DTNA: variants seen among roughly 807,000 people sequenced by gnomAD.
DTNA encodes the protein dystrophin-related protein 3.
In DTNA, 43 loss-of-function variants were observed where a neutral mutation model predicts 100.7. That is an observed-to-expected ratio of 0.43 (90% CI 0.33 to 0.55). The LOEUF (loss-of-function observed/expected upper bound fraction) is 0.55, where lower values mean the gene tolerates loss of function less well. Ranked by LOEUF, DTNA falls within the 20% of genes least tolerant of loss-of-function variation. The pLI is 0.04. For missense variants in DTNA, 798 were observed against 953.9 expected (o/e 0.84, Z 2.15); for synonymous variants, 349 against 347.9 (o/e 1.00, Z -0.04).
chr18:34,592,804 C>CA (rs2049890987), intron 1 of DTNA, among the ~76,000 whole-genome samples: 1 of 152,126 alleles, frequency 6.6e-6, no homozygotes, highest in African/African-American at 2.4e-5. Context: ...CAGCCATTGC[C>CA]ATCCTCTGTA....
intron 1 of DTNA, among the ~76,000 whole-genome samples, chr18:34,563,693 A>G (rs990712996): frequency 1.1e-4 from 17 of 152,192 alleles, no homozygotes; most frequent in Non-Finnish European, 2.1e-4. Flanking sequence ...ATAACTGACA[A>G]ATTAAAATTG....
At chr18:34,554,693 A>T (rs1393713648) in intron 1 of DTNA, among the ~76,000 whole-genome samples, 98 of 144,270 alleles carry the variant, frequency 6.8e-4, no homozygotes, top group African/African-American at 2.4e-3. Context: ...ATTTGCGTAT[A>T]TTGAACCAGC....
chr18:34,822,227 G>C (rs989761917), intron 9 of DTNA: 4 of 152,080 alleles, frequency 2.6e-5, no homozygotes. Flanking sequence ...TGTCCCAAAG[G>C]GCCAACCACT....
intron 1 of DTNA, among the ~76,000 whole-genome samples, chr18:34,592,709 G>A (rs2049879388): frequency 6.6e-6 from 1 of 151,996 alleles, no homozygotes; most frequent in African/African-American, 2.4e-5. Context: ...GCGGCATGAT[G>A]ATTTCCTCTT....
chr18:34,553,440 A>G (rs1018557519), intron 1 of DTNA, among the ~76,000 whole-genome samples: 2 of 151,148 alleles, frequency 1.3e-5, no homozygotes, highest in African/African-American at 2.4e-5. Context: ...TGTTTTGGAC[A>G]TGAAGTCCTT....
intron 9 of DTNA, chr18:34,825,237 C>CT: frequency 1.2e-6 from 2 of 1,613,140 alleles, no homozygotes; most frequent in Non-Finnish European, 1.7e-6. Context: ...TTAACGGTCT[C>CT]TATTCTGTTC....
chr18:34,556,286 C>T (rs1245611112), intron 1 of DTNA, among the ~76,000 whole-genome samples: 2 of 152,104 alleles, frequency 1.3e-5, no homozygotes. Context: ...GATGGGTTTC[C>T]TGAATACAGC....
chr18:34,620,296 T>C (rs1166118381), intron 1 of DTNA, among the ~76,000 whole-genome samples: 2 of 152,188 alleles, frequency 1.3e-5, no homozygotes, highest in African/African-American at 4.8e-5. Flanking sequence ...GGAACCCAAA[T>C]TGAAGAACGT....
At position 34,623,302 on chromosome 18, in the gene DTNA, A is replaced by G. The variant is rs558881988; in HGVS notation, c.-2+129788A>G. Among the ~76,000 whole-genome samples, 3 of 152,368 alleles carry G rather than the reference A, an allele frequency of 2.0e-5. No individual in the cohort carries two copies. The East Asian group carries it at 5.8e-4, about 29-fold the overall frequency. On this transcript the variant is annotated intron_variant, in intron 1 of 19. Coordinates refer to the DTNA transcript ENST00000283365. ...ACTTTAGAAGACTTTTATTTTGGTT[A>G]CTGAGAGGCTGTAATAAACCTCAGA...
chr18:34,553,676 G>T (rs1359209968), intron 1 of DTNA, among the ~76,000 whole-genome samples: 2 of 151,054 alleles, frequency 1.3e-5, no homozygotes, highest in African/African-American at 4.8e-5. Context: ...GTTTGTCAAA[G>T]ATCAGATAGT....
intron 1 of DTNA, among the ~76,000 whole-genome samples, chr18:34,592,467 AACACACACAC>A (rs3078085): frequency 3.7e-4 from 52 of 139,526 alleles, no homozygotes; most frequent in Non-Finnish European, 6.3e-4. Context: ...ACACTTGTAT[AACACACACAC>A]ACACACACAC....
intron 1 of DTNA, among the ~76,000 whole-genome samples, chr18:34,502,967 T>C (rs1267580159): frequency 1.3e-5 from 2 of 152,212 alleles, no homozygotes; most frequent in South Asian, 2.1e-4. Context: ...TCTCCAGTTA[T>C]AATTGTGAGT....
intron 1 of DTNA, among the ~76,000 whole-genome samples, chr18:34,615,415 A>T (rs982624920): frequency 6.6e-6 from 1 of 152,264 alleles, no homozygotes; most frequent in Non-Finnish European, 1.5e-5. Flanking sequence ...CTTATTTTTT[A>T]AAATTGCCAT....
intron 1 of DTNA, among the ~76,000 whole-genome samples, chr18:34,702,821 A>T (rs546439007): frequency 2.6e-5 from 4 of 152,230 alleles, no homozygotes; most frequent in African/African-American, 7.2e-5. Context: ...TAAAGCCATG[A>T]ACTCTGTAGC....
intron 1 of DTNA, among the ~76,000 whole-genome samples, chr18:34,544,987 G>A (rs2044621965): frequency 6.6e-6 from 1 of 152,004 alleles, no homozygotes; most frequent in African/African-American, 2.4e-5. Context: ...TCCAACAAGT[G>A]GCAGATAAAG....
chr18:34,606,356 A>G (rs1322580749), intron 1 of DTNA, among the ~76,000 whole-genome samples: 2 of 152,192 alleles, frequency 1.3e-5, no homozygotes, highest in South Asian at 2.1e-4. Flanking sequence ...TTAATGTACT[A>G]TGTTCTTTGA....
intron 5 of DTNA, among the ~76,000 whole-genome samples, chr18:34,810,475 TA>T (rs1197608635): frequency 0.02 from 2,615 of 131,938 alleles, 57 homozygotes; most frequent in African/African-American, 0.066. Flanking sequence ...ATGTGGGAGC[TA>T]AAAAAAAAAA....
At position 34,829,384 on chromosome 18, in the gene DTNA, T is replaced by A; in HGVS notation, c.1086-16T>A. 6.5e-7 allele frequency: 1 copy of A among 1,535,038 alleles called. No homozygotes were observed. Among genetic ancestry groups the A allele is most frequent in the Non-Finnish European group, 8.7e-7 (1 of 1,146,602 alleles). On this transcript the variant is annotated splice_polypyrimidine_tract_variant and intron_variant, in intron 10 of 22. Coordinates refer to ENST00000444659, the MANE Select transcript of DTNA (RefSeq NM_001386795.1). ...ATGGGAAGTTTTAATGAGGTCTCAT[T>A]GTTTGACTCCCTCAGGTTACCTGAG...
At chr18:34,750,226 T>C (rs1156025) in intron 1 of DTNA, among the ~76,000 whole-genome samples, 151,614 of 152,324 alleles carry the variant, frequency 1, 75,461 homozygotes, top group Middle Eastern at 1. Context: ...GGATTTTAAT[T>C]GCGAGACTGT....
Sources: gnomAD v4.1 joint callset for allele counts (sites outside exome capture counted in the v4.1 genomes callset) on GRCh38, gnomAD v4.1.1 for gene constraint, MANE v1.5 for transcripts, NCBI Gene and HGNC (gene_info 2026-07-23, HGNC 2026-07-21) for gene names.